Variants in MED13 observed in about 807,000 individuals in gnomAD.
MED13 encodes mediator of RNA polymerase II transcription subunit 13.
In MED13, 23 loss-of-function variants were observed where a neutral mutation model predicts 225.2. The observed-to-expected ratio is 0.10, with a 90% CI of 0.07 to 0.14. The LOEUF (loss-of-function observed/expected upper bound fraction) is 0.14, where lower values mean the gene tolerates loss of function less well. Among genes scored for constraint, MED13 ranks in the 10% least tolerant of loss-of-function variants. MED13 has a pLI of 1.00. For synonymous variants in MED13, 942 were observed against 889.2 expected (o/e 1.06, Z -1.06); for missense variants, 2,197 against 2,594.5 (o/e 0.85, Z 3.33).
intron 2 of MED13, among the ~76,000 whole-genome samples, chr17:62,055,896 C>T (rs1487278094): frequency 6.6e-6 from 1 of 152,098 alleles, no homozygotes; most frequent in Non-Finnish European, 1.5e-5. Context: ...CCTCATTATT[C>T]TAATGCTTTC....
chr17:62,004,450 TTGAGCAGCACTGAATGA>T (rs1191081991), intron 9 of MED13: 6 of 152,210 alleles, frequency 3.9e-5, no homozygotes, highest in Non-Finnish European at 2.9e-5. Context: ...AAGATAACTT[TTGAGCAGCACTGAATGA>T]TAAGAAGGGA....
rs2143797187 is a variant in MED13 at position 62,065,178 on chromosome 17, C to T, written c.28G>A (p.Ala10Thr). ...TTACAGTGACAATCTTCCAGGCTGG[C>T]CCCGTTCGGCACGAAGGAGGCACTC... MSASFVPNG[A>T]SLEDCHCNLF... Residue 10 changes from alanine (A) to threonine (T), a missense_variant, in exon 1 of 30, where the codon GCC (alanine) becomes ACC (threonine). Physicochemically the swap from Ala to Thr is moderately conservative, Grantham distance 58. This residue lies in a region of MED13 where 884 missense variants were observed against 918.5 expected (regional missense o/e 0.96). Coordinates refer to ENST00000397786, the MANE Select transcript of MED13 (RefSeq NM_005121.3). The T allele has an allele frequency of 6.3e-7, 1 of 1,581,690 alleles. No individual in the cohort carries two copies. The highest frequency in any genetic ancestry group is 8.6e-7 in the Non-Finnish European group (1 of 1,165,608).
At chr17:61,968,307 T>G (rs1179361378) in intron 17 of MED13, 49 bp from the exon 18 acceptor site, 2 of 1,256,318 alleles carry the variant, frequency 1.6e-6, no homozygotes, top group South Asian at 3.2e-5. Flanking sequence ...ACAAGACATG[T>G]CTCCTTTTTA....
chr17:61,978,405 C>A (rs1317071262), intron 16 of MED13, among the ~76,000 whole-genome samples: 1 of 152,164 alleles, frequency 6.6e-6, no homozygotes, highest in Non-Finnish European at 1.5e-5. Flanking sequence ...GCATGCGCCA[C>A]CATGCCCAGC....
At chr17:61,957,350 C>CT (rs1212057328) in intron 23 of MED13, among the ~76,000 whole-genome samples, 85 of 150,156 alleles carry the variant, frequency 5.7e-4, no homozygotes, top group African/African-American at 1.9e-3. Context: ...GCCCAGTAAA[C>CT]TTTTTATTTT....
chr17:62,041,373 G>GAAGAA (rs905005594), intron 3 of MED13, among the ~76,000 whole-genome samples: 1 of 146,856 alleles, frequency 6.8e-6, no homozygotes, highest in African/African-American at 2.5e-5. Flanking sequence ...ATCTGAAGCA[G>GAAGAA]AAGAAAAGAA....
intron 20 of MED13, 83 bp from the exon 21 acceptor site, chr17:61,963,054 T>C: frequency 4.6e-6 from 5 of 1,096,012 alleles, no homozygotes; most frequent in South Asian, 1.4e-5. Flanking sequence ...AATATCCCCC[T>C]CCTCCCTCTT....
At chr17:61,999,781 G>A (rs2080378174) in intron 9 of MED13, among the ~76,000 whole-genome samples, 1 of 152,136 alleles carries the variant, frequency 6.6e-6, no homozygotes, top group South Asian at 2.1e-4. Flanking sequence ...AGAGGGCTGG[G>A]TGCAGTGGCT....
At chr17:61,959,230 G>T (rs1251099843) in intron 23 of MED13, among the ~76,000 whole-genome samples, 4 of 152,156 alleles carry the variant, frequency 2.6e-5, no homozygotes, top group Non-Finnish European at 5.9e-5. Flanking sequence ...AGTCAGGCTG[G>T]TCTCGAACTC....
chr17:61,982,964 C>A lies in MED13; in HGVS notation c.3039G>T (p.Arg1013Ser). 1 of 1,613,968 alleles carries A rather than the reference C, an allele frequency of 6.2e-7. No individual in the cohort carries two copies. The highest frequency in any genetic ancestry group is 8.5e-7 in the Non-Finnish European group (1 of 1,179,982). Residue 1013 changes from arginine (R) to serine (S), a missense_variant, in exon 16 of 30, where the codon AGG (arginine) becomes AGT (serine). Arg to Ser is a moderately radical substitution (Grantham distance 110). Coordinates refer to ENST00000397786, the MANE Select transcript of MED13 (RefSeq NM_005121.3). ...GAGGAGTCCGAGGAGTCCTTGGAGT[C>A]CTTGGAGTTGGAAACCGAGGGGTGG... is the stretch of plus-strand genomic sequence containing the variant. ...SPSTPRFPTP[R>S]TPRTPRTPRG...
chr17:61,948,911 C>T (rs942085131), intron 28 of MED13, among the ~76,000 whole-genome samples: 1 of 150,854 alleles, frequency 6.6e-6, no homozygotes, highest in East Asian at 2.0e-4. Flanking sequence ...ACGGTGAAAC[C>T]CCATCTCTAC....
intron 5 of MED13, 96 bp from the exon 6 acceptor site, chr17:62,031,734 A>C: frequency 1.6e-6 from 1 of 607,688 alleles, no homozygotes; most frequent in African/African-American, 1.9e-5. Context: ...TAGGTATCAC[A>C]TTTATACAAA....
intron 9 of MED13, among the ~76,000 whole-genome samples, chr17:62,008,734 G>A (rs1372329121): frequency 2.6e-5 from 4 of 151,428 alleles, no homozygotes; most frequent in Admixed American, 2.6e-4. Flanking sequence ...GAAAATAAAG[G>A]CAAAACCAAA....
chr17:61,998,297 C>T (rs2080362937), intron 9 of MED13, among the ~76,000 whole-genome samples: 1 of 152,122 alleles, frequency 6.6e-6, no homozygotes, highest in Non-Finnish European at 1.5e-5. Context: ...TAAATACAGA[C>T]AAACTGCAAA....
intron 3 of MED13, among the ~76,000 whole-genome samples, chr17:62,048,043 C>CATATACATATATATATATATATATATAT: frequency 7.6e-6 from 1 of 131,168 alleles, no homozygotes; most frequent in East Asian, 2.5e-4. Flanking sequence ...TATACATATA[C>CATATACATATATATATATATATATATAT]ATATATATAT....
intron 2 of MED13, among the ~76,000 whole-genome samples, chr17:62,053,714 AT>A (rs933443864): frequency 6.6e-6 from 1 of 152,234 alleles, no homozygotes; most frequent in African/African-American, 2.4e-5. Context: ...TTAAGTAAAA[AT>A]AAAAGACAAA....
rs753525183 is a variant in MED13, at chr17:61,961,808, G to A, written c.5065-29C>T. The A allele has an allele frequency of 1.1e-4, 173 of 1,589,234 alleles. 1 individual carries two copies. In the South Asian group the frequency reaches 1.9e-3, roughly 17 times the overall value. ...AGAAGTATAGGCAAATATTACAAATGTTAAACTTCCAAAAGAGAATAACAG... is the reference window on the plus strand; with the variant it reads ...AGAAGTATAGGCAAATATTACAAATATTAAACTTCCAAAAGAGAATAACAG... On this transcript the variant is annotated intron_variant, in intron 21 of 29. Transcript: ENST00000397786.
chr17:62,038,862 G>T (rs1008449282), intron 3 of MED13, among the ~76,000 whole-genome samples: 1 of 149,662 alleles, frequency 6.7e-6, no homozygotes, highest in Non-Finnish European at 1.5e-5. Flanking sequence ...TGGCAGGGGC[G>T]GGGGGGCTCA....
At chr17:62,022,730 C>A (rs1468669082) in intron 8 of MED13, among the ~76,000 whole-genome samples, 1 of 152,150 alleles carries the variant, frequency 6.6e-6, no homozygotes, top group Non-Finnish European at 1.5e-5. Flanking sequence ...TTATGTGAGG[C>A]CAGGCATGGT....
Sources: allele counts gnomAD v4.1 joint callset (sites outside exome capture counted in the v4.1 genomes callset), GRCh38; gene constraint gnomAD v4.1.1; regional missense constraint gnomAD v4.1.1; transcripts MANE v1.5; gene names NCBI Gene and HGNC (gene_info 2026-07-23, HGNC 2026-07-21).